KAZN: variants seen among roughly 807,000 people sequenced by gnomAD.
KAZN encodes kazrin, periplakin interacting protein.
KAZN carries 40 observed loss-of-function variants against 87.4 expected under a neutral mutation model. The observed-to-expected ratio is 0.46, with a 90% CI of 0.36 to 0.60. The LOEUF is 0.60. KAZN is among the 20% of genes least tolerant of loss of function. The probability of loss-of-function intolerance (pLI) is 0.00; values close to 1 mark genes in which losing one functional copy is unlikely to be tolerated. For synonymous variants in KAZN, 466 were observed against 458.3 expected (o/e 1.02, Z -0.22); for missense variants, 898 against 1,073.9 (o/e 0.84, Z 2.29).
intron 1 of KAZN, among the ~76,000 whole-genome samples, chr1:14,099,850 C>A (rs987730424): frequency 1.3e-5 from 2 of 152,192 alleles, no homozygotes; most frequent in Admixed American, 6.5e-5. Flanking sequence ...TTCTTTATAT[C>A]TGATCTGGCT....
intron 1 of KAZN, among the ~76,000 whole-genome samples, chr1:14,719,208 A>G (rs1425232763): frequency 6.6e-6 from 1 of 152,234 alleles, no homozygotes; most frequent in Non-Finnish European, 1.5e-5. Flanking sequence ...TCTTGGTCAA[A>G]TTAATAAAAT....
At chr1:15,078,206 G>C (rs1347517673) in intron 8 of KAZN, among the ~76,000 whole-genome samples, 1 of 151,984 alleles carries the variant, frequency 6.6e-6, no homozygotes, top group Non-Finnish European at 1.5e-5. Flanking sequence ...CTTGAGGCTG[G>C]GAGTTCGAGA....
chr1:14,086,678 T>C (rs1462285751), intron 1 of KAZN, among the ~76,000 whole-genome samples: 1 of 152,202 alleles, frequency 6.6e-6, no homozygotes, highest in Non-Finnish European at 1.5e-5. Context: ...TATTTTTTTC[T>C]AGAAGTTTTA....
intron 2 of KAZN, among the ~76,000 whole-genome samples, chr1:14,419,859 G>A (rs958924623): frequency 1.3e-5 from 2 of 152,112 alleles, no homozygotes; most frequent in Non-Finnish European, 2.9e-5. Context: ...TTTGCGGCGA[G>A]TATTACAGCT....
intron 1 of KAZN, among the ~76,000 whole-genome samples, chr1:14,934,931 T>G (rs1660276341): frequency 6.6e-6 from 1 of 152,258 alleles, no homozygotes; most frequent in East Asian, 1.9e-4. Flanking sequence ...CATCCCAGGC[T>G]GAGGGTCATC....
intron 2 of KAZN, among the ~76,000 whole-genome samples, chr1:14,193,836 A>T (rs935584371): frequency 6.6e-6 from 1 of 152,048 alleles, no homozygotes; most frequent in African/African-American, 2.4e-5. Context: ...TTTATCAAAG[A>T]TAAGCCTAGG....
intron 4 of KAZN, among the ~76,000 whole-genome samples, chr1:15,047,911 T>C (rs563769881): frequency 1.6e-4 from 25 of 152,330 alleles, no homozygotes; most frequent in Admixed American, 9.8e-4. Flanking sequence ...GTCCATGCAG[T>C]GTGCCCTGTG....
At chr1:13,902,040 C>T (rs1053595901) in intron 1 of KAZN, among the ~76,000 whole-genome samples, 2 of 152,218 alleles carry the variant, frequency 1.3e-5, no homozygotes, top group Admixed American at 1.3e-4. Context: ...AGGCCTTAGC[C>T]GAATTACTGA....
At chr1:14,388,894 T>G (rs1278359454) in intron 2 of KAZN, among the ~76,000 whole-genome samples, 1 of 151,874 alleles carries the variant, frequency 6.6e-6, no homozygotes, top group Admixed American at 6.6e-5. Context: ...AAGGAAACAA[T>G]CAACAAAGTG....
intron 2 of KAZN, among the ~76,000 whole-genome samples, chr1:14,402,748 G>A (rs1663520250): frequency 6.6e-6 from 1 of 151,888 alleles, no homozygotes. Context: ...CTATTATAAT[G>A]AAAACTATGA....
intron 1 of KAZN, among the ~76,000 whole-genome samples, chr1:14,041,667 C>G (rs115906622): frequency 6.6e-6 from 1 of 152,102 alleles, no homozygotes; most frequent in East Asian, 1.9e-4. Flanking sequence ...TTCCCTTTAC[C>G]TTTCTCCTGT....
chr1:15,001,139 A>T (rs1668419504), intron 2 of KAZN, among the ~76,000 whole-genome samples: 1 of 151,650 alleles, frequency 6.6e-6, no homozygotes, highest in Non-Finnish European at 1.5e-5. Flanking sequence ...CCCCAAACCC[A>T]GCAAAGGTGG....
At chr1:13,944,208 G>A (rs1407117392) in intron 1 of KAZN, among the ~76,000 whole-genome samples, 1 of 152,202 alleles carries the variant, frequency 6.6e-6, no homozygotes, top group East Asian at 1.9e-4. Flanking sequence ...ATAAACTACG[G>A]ATACGCGTTA....
intron 4 of KAZN, among the ~76,000 whole-genome samples, chr1:15,047,333 G>A (rs143518876): frequency 3.8e-4 from 58 of 151,610 alleles, no homozygotes; most frequent in Middle Eastern, 3.4e-3. Flanking sequence ...ACCCTTCCTC[G>A]GGGGGTGCCT....
At position 15,021,071 on chromosome 1, in the gene KAZN, C is replaced by T. The variant is rs753219958; in HGVS notation, c.419-13678C>T. 2.8e-4 allele frequency among the ~76,000 whole-genome samples: 42 copies of T among 152,158 alleles called. No individual in the cohort carries two copies. Among genetic ancestry groups the T allele is most frequent in the Admixed American group, 2.6e-3 (40 of 15,272 alleles). On this transcript the variant is annotated intron_variant, in intron 2 of 14. Coordinates refer to ENST00000376030, the MANE Select transcript of KAZN (RefSeq NM_201628.3). The surrounding 1 kb of genome is among the most constrained non-coding windows in gnomAD (Gnocchi z 4.2). ...TATCACTAGGCACCCAGGGCAGCTT[C>T]CCGATGGACAGTCTTGAGTAGGACA...
intron 1 of KAZN, among the ~76,000 whole-genome samples, chr1:14,910,295 G>C (rs888179850): frequency 6.6e-6 from 1 of 152,160 alleles, no homozygotes. Context: ...TGACAGAAAA[G>C]GACTTGATGT....
chr1:14,965,461 C>T (rs561825463), intron 2 of KAZN, among the ~76,000 whole-genome samples: 2 of 152,320 alleles, frequency 1.3e-5, no homozygotes, highest in Non-Finnish European at 2.9e-5. Flanking sequence ...CGAATCAAGG[C>T]AGCACAGAAA....
chr1:14,156,933 C>CT (rs1407039893), intron 1 of KAZN, among the ~76,000 whole-genome samples: 1 of 122,662 alleles, frequency 8.2e-6, no homozygotes, highest in Non-Finnish European at 1.9e-5. Context: ...TTTTCCTTGT[C>CT]TTTTTTTGGT....
chr1:14,820,736 C>G lies in KAZN; in HGVS notation c.227-139948C>G, dbSNP rs1041723806. Among the ~76,000 whole-genome samples the G allele has an allele frequency of 6.6e-6, 1 of 152,114 alleles. No individual in the cohort carries two copies. Among genetic ancestry groups the G allele is most frequent in the African/African-American group, 2.4e-5 (1 of 41,414 alleles). ...AAAGGTAGAAGGTGCAGATTAGGTA[C>G]TGGGAATAGTCATGGTTTGGTTTGA... On this transcript the variant is annotated intron_variant, in intron 1 of 14. Transcript: ENST00000376030. The surrounding 1 kb of genome is among the most constrained non-coding windows in gnomAD (Gnocchi z 4.1).
Sources: allele counts gnomAD v4.1 joint callset (sites outside exome capture counted in the v4.1 genomes callset), GRCh38; gene constraint gnomAD v4.1.1; non-coding constraint Gnocchi (gnomAD v3.1); transcripts MANE v1.5; gene names NCBI Gene and HGNC (gene_info 2026-07-23, HGNC 2026-07-21).